Variants in CACNA1E observed in about 807,000 individuals in gnomAD.
CACNA1E encodes voltage-dependent R-type calcium channel subunit alpha-1E.
A neutral mutation model predicts 259.2 loss-of-function variants in CACNA1E; 40 were observed. The observed-to-expected ratio is 0.15, with a 90% CI of 0.12 to 0.20. CACNA1E has a LOEUF of 0.20. CACNA1E is among the 10% of genes least tolerant of loss of function. The pLI is 1.00. For synonymous variants in CACNA1E, 1,104 were observed against 1,138.5 expected, an observed-to-expected ratio of 0.97 and a Z score of 0.61; for missense variants, 1,874 against 3,040.1, an observed-to-expected ratio of 0.62 and a Z score of 9.02.
intron 7 of CACNA1E, among the ~76,000 whole-genome samples, chr1:181,665,310 T>C: frequency 6.6e-6 from 1 of 152,206 alleles, no homozygotes; most frequent in Non-Finnish European, 1.5e-5. Flanking sequence ...TACTCCAGGA[T>C]TTGTCCCTTC....
At chr1:181,523,489 A>T (rs2102686745) in intron 3 of CACNA1E, among the ~76,000 whole-genome samples, 1 of 152,332 alleles carries the variant, frequency 6.6e-6, no homozygotes, top group Non-Finnish European at 1.5e-5. Flanking sequence ...CTTCATAGAC[A>T]AGCAAACCTG....
intron 18 of CACNA1E, among the ~76,000 whole-genome samples, chr1:181,728,347 A>G (rs1655111188): frequency 6.6e-6 from 1 of 152,214 alleles, no homozygotes; most frequent in Non-Finnish European, 1.5e-5. Context: ...GTGGGTAGGC[A>G]CAGGCAGGGC....
intron 1 of CACNA1E, among the ~76,000 whole-genome samples, chr1:181,347,126 C>T (rs186472902): frequency 2.9e-4 from 44 of 152,266 alleles, no homozygotes; most frequent in African/African-American, 1.0e-3. Context: ...ATTCAGATCC[C>T]GTGCCATCCC....
At position 181,740,489 on chromosome 1, in the gene CACNA1E, T is replaced by G. The variant is rs1209091446; in HGVS notation, c.3719+1236T>G. Among the ~76,000 whole-genome samples the G allele has an allele frequency of 2.0e-5, 3 of 151,506 alleles. No homozygotes were observed. The East Asian group carries it at 5.8e-4, about 29-fold the overall frequency. On this transcript the variant is annotated intron_variant, in intron 25 of 47. Coordinates refer to ENST00000367573, the MANE Select transcript of CACNA1E (RefSeq NM_001205293.3). ...GCAGAAAAACAGGTGGGATAAAAAT[T>G]ACCAGATGTTTCTCAAGTGGCCTGG...
rs1397918421 is a variant in CACNA1E at position 181,736,378 on chromosome 1, G to A, written c.3366G>A (p.Glu1122=). The change falls in exon 22 of 48, where the codon GAG becomes GAA. Residue 1122 remains glutamate (E), a synonymous_variant. Coordinates refer to ENST00000367573, the MANE Select transcript of CACNA1E (RefSeq NM_001205293.3). ...AGAAGCAGAAGAAGGAGAAGCGTGA[G>A]ACAGGCAAAGCCATGGTGCCCCACA... ...EKKKQKKEKR[E]TGKAMVPHSS... is the part of the protein sequence containing the mutation. 1 of 1,612,416 alleles carries A rather than the reference G, an allele frequency of 6.2e-7. No homozygotes were observed. Among genetic ancestry groups the A allele is most frequent in the South Asian group, 1.1e-5 (1 of 90,520 alleles).
chr1:181,548,821 G>A (rs747665995), intron 3 of CACNA1E, among the ~76,000 whole-genome samples: 2 of 152,108 alleles, frequency 1.3e-5, no homozygotes, highest in South Asian at 2.1e-4. Context: ...AATGACTTTC[G>A]TCTTATCCAT....
In CACNA1E at chr1:181,737,510, G is replaced by A. The variant is rs1572750286; in HGVS notation, c.3423-15G>A. On this transcript the variant is annotated splice_polypyrimidine_tract_variant and intron_variant, in intron 22 of 47. Coordinates refer to ENST00000367573, the MANE Select transcript of CACNA1E (RefSeq NM_001205293.3). ...GTGGGGAGTGGGCCAGCTCAGCCATGCCCACTGCCCGCAGGATCCGGAGGG... is the reference window on the plus strand; with the variant it reads ...GTGGGGAGTGGGCCAGCTCAGCCATACCCACTGCCCGCAGGATCCGGAGGG... The A allele has an allele frequency of 3.1e-6, 5 of 1,613,284 alleles. No individual in the cohort carries two copies. The highest frequency in any genetic ancestry group is 1.3e-5 in the African/African-American group (1 of 74,932).
chr1:181,331,748 G>A (rs972775130), intron 1 of CACNA1E, among the ~76,000 whole-genome samples: 14 of 152,188 alleles, frequency 9.2e-5, no homozygotes, highest in Admixed American at 8.5e-4. Flanking sequence ...CTAATTTGTA[G>A]AGGTCATTCA....
intron 12 of CACNA1E, among the ~76,000 whole-genome samples, chr1:181,718,723 A>G (rs965608698): frequency 7.9e-5 from 12 of 151,990 alleles, no homozygotes; most frequent in Admixed American, 3.3e-4. Context: ...TACTTTCTAC[A>G]TAGCATGGAT....
chr1:181,543,314 C>T (rs1668738292), intron 3 of CACNA1E, among the ~76,000 whole-genome samples: 1 of 152,154 alleles, frequency 6.6e-6, no homozygotes, highest in South Asian at 2.1e-4. Flanking sequence ...ACTAGGGTTT[C>T]AGGTTCCTGA....
intron 3 of CACNA1E, among the ~76,000 whole-genome samples, chr1:181,529,339 T>A (rs1466529227): frequency 1.3e-5 from 2 of 152,206 alleles, no homozygotes; most frequent in Non-Finnish European, 2.9e-5. Context: ...AGGCAGAAGT[T>A]TGCTGCAGGG....
At chr1:181,355,573 G>A (rs1329245179) in intron 1 of CACNA1E, among the ~76,000 whole-genome samples, 1 of 150,250 alleles carries the variant, frequency 6.7e-6, no homozygotes, top group Non-Finnish European at 1.5e-5. Context: ...GGGTGACAGA[G>A]TGAGACTCCA....
chr1:181,364,308 A>T (rs1173339675), intron 1 of CACNA1E, among the ~76,000 whole-genome samples: 2 of 152,192 alleles, frequency 1.3e-5, no homozygotes, highest in Non-Finnish European at 2.9e-5. Flanking sequence ...TGTATTTTAC[A>T]CCACACTTGT....
intron 6 of CACNA1E, among the ~76,000 whole-genome samples, chr1:181,618,043 A>T (rs778756166): frequency 2.0e-5 from 3 of 152,152 alleles, no homozygotes; most frequent in Non-Finnish European, 4.4e-5. Flanking sequence ...AGGCCCAAAG[A>T]TGTAGACAAT....
chr1:181,443,341 G>C (rs1039082500), intron 2 of CACNA1E, among the ~76,000 whole-genome samples: 18 of 152,304 alleles, frequency 1.2e-4, no homozygotes, highest in Admixed American at 9.8e-4. Context: ...TGTTTGACAC[G>C]AACTCCATAG....
intron 7 of CACNA1E, among the ~76,000 whole-genome samples, chr1:181,659,892 C>T (rs1647450672): frequency 6.6e-6 from 1 of 152,176 alleles, no homozygotes; most frequent in Non-Finnish European, 1.5e-5. Context: ...TTAGTGTACA[C>T]TACGTAGCTT....
intron 43 of CACNA1E, among the ~76,000 whole-genome samples, chr1:181,789,857 T>C (rs185783836): frequency 6.6e-6 from 1 of 152,292 alleles, no homozygotes; most frequent in Admixed American, 6.5e-5. Flanking sequence ...TCTTCCTACA[T>C]TGCCATCAAC....
At chr1:181,380,484 A>G (rs1206014710) in intron 1 of CACNA1E, among the ~76,000 whole-genome samples, 1 of 152,210 alleles carries the variant, frequency 6.6e-6, no homozygotes, top group Non-Finnish European at 1.5e-5. Flanking sequence ...ATAATAAGAA[A>G]AGAAAACTGC....
At position 181,798,932 on chromosome 1, in the gene CACNA1E, A is replaced by T; in HGVS notation, c.*98A>T. On this transcript the variant is annotated 3_prime_UTR_variant, in exon 48 of 48. Coordinates refer to ENST00000367573, the MANE Select transcript of CACNA1E (RefSeq NM_001205293.3). This position sits in a 1 kb window ranked among gnomAD's most constrained non-coding sequence, Gnocchi z 4.2. ...CGGCCCGGGGGGGAGGAAGAGGGAAAAGGAAGATGGAAGGACACCATGCAT... is the reference window on the plus strand; with the variant it reads ...CGGCCCGGGGGGGAGGAAGAGGGAATAGGAAGATGGAAGGACACCATGCAT... 9.0e-7 allele frequency: 1 copy of T among 1,110,056 alleles called. No individual in the cohort carries two copies. The highest frequency in any genetic ancestry group is 1.2e-6 in the Non-Finnish European group (1 of 813,112). 68.8% of individuals were successfully genotyped at this position (1,110,056 alleles called of 1,614,324 possible). A position where few individuals can be genotyped will look rare whatever the true frequency, so the allele number is the denominator to read the frequency against.
Sources: allele counts gnomAD v4.1 joint callset (sites outside exome capture counted in the v4.1 genomes callset), GRCh38; gene constraint gnomAD v4.1.1; non-coding constraint Gnocchi (gnomAD v3.1); transcripts MANE v1.5; gene names NCBI Gene and HGNC (gene_info 2026-07-23, HGNC 2026-07-21).